DSTN: variants seen among roughly 807,000 people sequenced by gnomAD.
DSTN encodes the protein destrin.
In DSTN, 10 loss-of-function variants were observed where a neutral mutation model predicts 16.8. The observed-to-expected ratio is 0.60, with a 90% CI of 0.37 to 1.01. DSTN has a LOEUF of 1.01. DSTN is among the 50% of genes least tolerant of loss of function. The pLI is 0.01. For synonymous variants in DSTN, 57 were observed against 58.9 expected (o/e 0.97, Z 0.14); for missense variants, 141 against 196.7 (o/e 0.72, Z 1.69).
In DSTN at chr20:17,609,811, A is replaced by T. The variant is rs994307714; in HGVS notation, c.*2665A>T. The T allele has an allele frequency of 6.6e-6, 1 of 151,588 alleles. No individual in the cohort carries two copies. Among genetic ancestry groups the T allele is most frequent in the Non-Finnish European group, 1.5e-5 (1 of 67,850 alleles). 9.4% of individuals were successfully genotyped at this position (151,588 alleles called of 1,614,324 possible). On this transcript the variant is annotated 3_prime_UTR_variant, in exon 4 of 4. Coordinates refer to ENST00000246069, the MANE Select transcript of DSTN (RefSeq NM_006870.4). ...AGAAAATACGTTTACCTCTTCACAA[A>T]TGCTAACACACTGCAAAAATATGTT...
At chr20:17,596,893 A>G in intron 1 of DSTN, 1 of 838,302 alleles carries the variant, frequency 1.2e-6, no homozygotes, top group Non-Finnish European at 1.4e-6. Flanking sequence ...TTAATTTACA[A>G]ATCAGAATTT....
chr20:17,588,858 G>C (rs1301248829), intron 1 of DSTN, among the ~76,000 whole-genome samples: 1 of 152,192 alleles, frequency 6.6e-6, no homozygotes, highest in African/African-American at 2.4e-5. Flanking sequence ...TGGGACAAAG[G>C]ATTTAGTAAG....
chr20:17,593,395 T>C (rs1223776257), intron 1 of DSTN, among the ~76,000 whole-genome samples: 1 of 152,164 alleles, frequency 6.6e-6, no homozygotes, highest in East Asian at 1.9e-4. Flanking sequence ...GGTAACACAA[T>C]AATGAATAAG....
intron 1 of DSTN, among the ~76,000 whole-genome samples, chr20:17,582,114 T>C (rs530882810): frequency 2.9e-4 from 41 of 142,990 alleles, no homozygotes; most frequent in African/African-American, 1.1e-3. Context: ...AGTCTCACCC[T>C]GTTGCCCAGG....
intron 1 of DSTN, among the ~76,000 whole-genome samples, chr20:17,596,302 A>G (rs763102494): frequency 6.6e-6 from 1 of 152,074 alleles, no homozygotes; most frequent in African/African-American, 2.4e-5. Context: ...TGGTGACCCC[A>G]TGGTGTGGGC....
chr20:17,604,602 C>G lies in DSTN; in HGVS notation c.359C>G (p.Ser120Cys), dbSNP rs866941023. 6.2e-7 allele frequency: 1 copy of G among 1,613,392 alleles called. No homozygotes were observed. Among genetic ancestry groups the G allele is most frequent in the Non-Finnish European group, 8.5e-7 (1 of 1,179,890 alleles). Residue 120 changes from serine (S) to cysteine (C), a missense_variant, in exon 3 of 4, where the codon TCC becomes TGC. By Grantham distance (112) the Ser-to-Cys change is moderately radical. Coordinates refer to ENST00000246069, the MANE Select transcript of DSTN (RefSeq NM_006870.4). The stretch of plus-strand genomic sequence containing the variant: ...AAAAGTAAAATGATCTATGCAAGCT[C>G]CAAGGATGCAATTAAAAAGAAATTT... ...PLKSKMIYAS[S>C]KDAIKKKFQG...
At chr20:17,604,445 A>C (rs2035619603) in intron 2 of DSTN, 110 bp from the exon 3 acceptor site, 1 of 1,122,154 alleles carries the variant, frequency 8.9e-7, no homozygotes, top group South Asian at 1.5e-5. Flanking sequence ...AAAATATCTC[A>C]GGAGAGTCTG....
chr20:17,592,635 C>T (rs970618051), intron 1 of DSTN, among the ~76,000 whole-genome samples: 1 of 151,830 alleles, frequency 6.6e-6, no homozygotes, highest in Non-Finnish European at 1.5e-5. Context: ...TGTTACTAGT[C>T]ATGAAGAGCC....
At chr20:17,589,979 T>C (rs1468834325) in intron 1 of DSTN, among the ~76,000 whole-genome samples, 1 of 152,230 alleles carries the variant, frequency 6.6e-6, no homozygotes, top group Non-Finnish European at 1.5e-5. Context: ...TTGTCATTAA[T>C]TATGTAGCCA....
At chr20:17,580,100 ATTCT>A (rs758602852) in intron 1 of DSTN, among the ~76,000 whole-genome samples, 19 of 152,294 alleles carry the variant, frequency 1.2e-4, no homozygotes, top group Non-Finnish European at 2.2e-4. Flanking sequence ...CAATAGTTTT[ATTCT>A]TTCTTTAATA....
chr20:17,572,335 C>CGT (rs143559762), intron 1 of DSTN, among the ~76,000 whole-genome samples: 32 of 151,694 alleles, frequency 2.1e-4, no homozygotes, highest in African/African-American at 4.6e-4. Flanking sequence ...CCAAACAAAA[C>CGT]GTGTGTGTGT....
chr20:17,583,142 A>G (rs1322053654), intron 1 of DSTN, among the ~76,000 whole-genome samples: 1 of 152,246 alleles, frequency 6.6e-6, no homozygotes, highest in Non-Finnish European at 1.5e-5. Flanking sequence ...TCAAAACCGC[A>G]AATACTGCTT....
intron 1 of DSTN, among the ~76,000 whole-genome samples, chr20:17,579,224 G>A (rs2035315983): frequency 6.6e-6 from 1 of 151,976 alleles, no homozygotes; most frequent in Non-Finnish European, 1.5e-5. Flanking sequence ...TTCCAAGTGG[G>A]AATAATAATA....
At chr20:17,604,235 G>C (rs1600714331) in intron 2 of DSTN, among the ~76,000 whole-genome samples, 4 of 152,094 alleles carry the variant, frequency 2.6e-5, no homozygotes, top group Admixed American at 2.6e-4. Flanking sequence ...AAAAAGAATT[G>C]GGTTATACAG....
rs749726112 is a variant in DSTN at position 17,600,866 on chromosome 20, A to G, written c.132A>G (p.Lys44=). 2.5e-6 allele frequency: 4 copies of G among 1,613,908 alleles called. No homozygotes were observed. Among genetic ancestry groups the G allele is most frequent in the Non-Finnish European group, 2.5e-6 (3 of 1,179,836 alleles). The part of the protein sequence containing the change: ...KAVIFCLSAD[K]KCIIVEEGKE... ...TCATTTTTTGTCTCAGTGCAGACAA[A>G]AAGTGCATCATTGTAGAAGAAGGCA... The change falls in exon 2 of 4, where the codon AAA becomes AAG. Residue 44 remains lysine, a synonymous_variant. Transcript: ENST00000246069.
chr20:17,598,400 T>C (rs1221947005), intron 1 of DSTN, among the ~76,000 whole-genome samples: 2 of 152,182 alleles, frequency 1.3e-5, no homozygotes, highest in East Asian at 1.9e-4. Context: ...GGGTGACTCA[T>C]TATGGTTTTG....
At position 17,609,705 on chromosome 20, in the gene DSTN, C is replaced by G. The variant is rs1600717127; in HGVS notation, c.*2559C>G. 1 of 152,182 alleles carries G rather than the reference C, an allele frequency of 6.6e-6. No homozygotes were observed. Among genetic ancestry groups the G allele is most frequent in the Non-Finnish European group, 1.5e-5 (1 of 68,036 alleles). The allele number at this position is 152,182 out of a possible 1,614,324, so 9.4% of individuals were successfully genotyped here. ...GTGCTAACAAGCACTCAAGGCGATTCTGGTACATAATTAGGGTTCAGACCT... is the reference window on the plus strand; with the variant it reads ...GTGCTAACAAGCACTCAAGGCGATTGTGGTACATAATTAGGGTTCAGACCT... On this transcript the variant is annotated 3_prime_UTR_variant, in exon 4 of 4. Transcript: ENST00000246069.
chr20:17,604,645 G>T lies in DSTN; in HGVS notation c.388+14G>T. On this transcript the variant is annotated intron_variant, in intron 3 of 3. Coordinates refer to ENST00000246069, the MANE Select transcript of DSTN (RefSeq NM_006870.4). ...AGAAATTTCAAGGTATGTTCTAGAT[G>T]ACCTCTGAATATGTAGAGGTATGGT... 1.2e-6 allele frequency: 2 copies of T among 1,609,382 alleles called. No individual in the cohort carries two copies. The highest frequency in any genetic ancestry group is 1.3e-5 in the African/African-American group (1 of 74,770).
At chr20:17,606,524 T>A (rs973663860) in intron 3 of DSTN, among the ~76,000 whole-genome samples, 27 of 152,276 alleles carry the variant, frequency 1.8e-4, no homozygotes, top group African/African-American at 6.5e-4. Flanking sequence ...ACCAAGAAAA[T>A]TTTCTTACTA....
Sources: allele counts gnomAD v4.1 joint callset (sites outside exome capture counted in the v4.1 genomes callset), GRCh38; gene constraint gnomAD v4.1.1; transcripts MANE v1.5; gene names NCBI Gene and HGNC (gene_info 2026-07-23, HGNC 2026-07-21).